Variants in AGAP1 observed in about 807,000 individuals in gnomAD.
AGAP1 encodes arf-GAP with GTPase, ANK repeat and PH domain-containing protein 1.
In AGAP1, 29 loss-of-function variants were observed where a neutral mutation model predicts 105.3. That is an observed-to-expected ratio of 0.28 (90% CI 0.21 to 0.38). The LOEUF (loss-of-function observed/expected upper bound fraction) is 0.38, where lower values mean the gene tolerates loss of function less well. Ranked by LOEUF, AGAP1 falls within the 10% of genes least tolerant of loss-of-function variation. The probability of loss-of-function intolerance (pLI) is 1.00; values close to 1 mark genes in which losing one functional copy is unlikely to be tolerated. For synonymous variants in AGAP1, 509 were observed against 485.9 expected (o/e 1.05, Z -0.63); for missense variants, 998 against 1,165.1 (o/e 0.86, Z 2.09).
chr2:236,068,657 G>A (rs564094198), intron 16 of AGAP1, among the ~76,000 whole-genome samples: 2 of 149,888 alleles, frequency 1.3e-5, no homozygotes, highest in Admixed American at 6.7e-5. Flanking sequence ...AAAATTAGCC[G>A]GGCGTGGTGG....
chr2:235,894,660 C>G (rs2050719854), intron 10 of AGAP1, among the ~76,000 whole-genome samples: 1 of 143,436 alleles, frequency 7.0e-6, no homozygotes, highest in Non-Finnish European at 1.5e-5. Flanking sequence ...GCTATGGGCA[C>G]AACTTCATTT....
Position 236,096,036 on chromosome 2 carries a change from GGAAAT to G in AGAP1, c.2115-24155_2115-24151del, listed in dbSNP as rs1426532807. The stretch of plus-strand genomic sequence containing the variant: ...TGCTTCTTTATTGTTTTGGGTACTT[GGAAAT>G]CCATTCTGCATTCGCTCAGGTACAG... On this transcript the variant is annotated intron_variant, in intron 16 of 17. Transcript: ENST00000304032. The surrounding 1 kb of genome is among the most constrained non-coding windows in gnomAD (Gnocchi z 4.4). Among the ~76,000 whole-genome samples, 10 of 152,160 alleles carry G rather than the reference GGAAAT, an allele frequency of 6.6e-5. No individual in the cohort carries two copies. Among genetic ancestry groups the G allele is most frequent in the African/African-American group, 2.4e-4 (10 of 41,438 alleles).
In AGAP1 at chr2:235,951,372, A is replaced by G. The variant is rs922756826; in HGVS notation, c.1484-17090A>G. On this transcript the variant is annotated intron_variant, in intron 12 of 17. Coordinates refer to ENST00000304032, the MANE Select transcript of AGAP1 (RefSeq NM_001037131.3). The surrounding 1 kb of genome is among the most constrained non-coding windows in gnomAD (Gnocchi z 4.2). ...GCAGTTACCAGCCCCAGGTACGATT[A>G]TGGACAATGCTGTCAGTCATCGTGA... Among the ~76,000 whole-genome samples the G allele has an allele frequency of 6.6e-6, 1 of 152,216 alleles. No homozygotes were observed.
chr2:235,922,583 A>G (rs369605735), intron 11 of AGAP1, among the ~76,000 whole-genome samples: 1 of 152,206 alleles, frequency 6.6e-6, no homozygotes, highest in Admixed American at 6.5e-5. Flanking sequence ...AGATTTGTTG[A>G]TGAATCTTTA....
intron 12 of AGAP1, among the ~76,000 whole-genome samples, chr2:235,966,277 G>A (rs527921182): frequency 4.3e-5 from 6 of 139,216 alleles, no homozygotes; most frequent in African/African-American, 8.0e-5. Flanking sequence ...AGGAGAGGGG[G>A]GCCTGTTCCT....
chr2:235,816,401 G>A (rs1958455718), intron 9 of AGAP1, among the ~76,000 whole-genome samples: 2 of 142,526 alleles, frequency 1.4e-5, no homozygotes, highest in South Asian at 4.4e-4. Flanking sequence ...TCGCACCACT[G>A]CACTCCAGCC....
chr2:235,642,791 T>A lies in AGAP1; in HGVS notation c.164-66388T>A, dbSNP rs1262613109. Among the ~76,000 whole-genome samples the A allele has an allele frequency of 6.6e-6, 1 of 152,218 alleles. No individual in the cohort carries two copies. The highest frequency in any genetic ancestry group is 1.5e-5 in the Non-Finnish European group (1 of 68,038). On this transcript the variant is annotated intron_variant, in intron 1 of 17. Coordinates refer to ENST00000304032, the MANE Select transcript of AGAP1 (RefSeq NM_001037131.3). This position sits in a 1 kb window ranked among gnomAD's most constrained non-coding sequence, Gnocchi z 4.1. ...AGGAGGGGGGAAAATAGAGAAGTAG[T>A]TATCTCATTGTCTTGGAATAAAATT...
intron 9 of AGAP1, among the ~76,000 whole-genome samples, chr2:235,863,658 C>T (rs537946605): frequency 5.3e-5 from 8 of 152,258 alleles, no homozygotes; most frequent in South Asian, 2.1e-4. Flanking sequence ...TCGAAGGCCC[C>T]GGTGGGGAGA....
intron 1 of AGAP1, among the ~76,000 whole-genome samples, chr2:235,653,222 T>G (rs553724860): frequency 6.6e-6 from 1 of 152,212 alleles, no homozygotes; most frequent in East Asian, 1.9e-4. Context: ...TCCCAGCACT[T>G]TGGGAGGCCA....
chr2:235,866,170 T>C lies in AGAP1; in HGVS notation c.1051-17175T>C, dbSNP rs1232787172. On this transcript the variant is annotated intron_variant, in intron 9 of 17. Coordinates refer to ENST00000304032, the MANE Select transcript of AGAP1 (RefSeq NM_001037131.3). The surrounding 1 kb of genome is among the most constrained non-coding windows in gnomAD (Gnocchi z 6.1). ...CTGTGCGCATCTTTATTTTTGGTTTTAGATTTTTGGTGGACTGCTTTGATG... is the reference window on the plus strand; with the variant it reads ...CTGTGCGCATCTTTATTTTTGGTTTCAGATTTTTGGTGGACTGCTTTGATG... 6.6e-6 allele frequency among the ~76,000 whole-genome samples: 1 copy of C among 152,178 alleles called. No individual in the cohort carries two copies. Among genetic ancestry groups the C allele is most frequent in the Non-Finnish European group, 1.5e-5 (1 of 68,036 alleles).
chr2:235,736,363 C>CAT lies in AGAP1; in HGVS notation c.311-4599_311-4598dup, dbSNP rs1175376780. ...TTTGAAAATGAAGTTATGCTGATGTCATTTAATCGTACGTCATCATAATTG... is the reference window on the plus strand; with the variant it reads ...TTTGAAAATGAAGTTATGCTGATGTCATATTTAATCGTACGTCATCATAATTG... On this transcript the variant is annotated intron_variant, in intron 3 of 17. Transcript: ENST00000304032. The surrounding 1 kb of genome is among the most constrained non-coding windows in gnomAD (Gnocchi z 5.5). Among the ~76,000 whole-genome samples, 6 of 152,084 alleles carry CAT rather than the reference C, an allele frequency of 3.9e-5. No individual in the cohort carries two copies. Among genetic ancestry groups the CAT allele is most frequent in the Non-Finnish European group, 5.9e-5 (4 of 68,038 alleles).
intron 12 of AGAP1, among the ~76,000 whole-genome samples, chr2:235,933,688 G>A (rs555913892): frequency 1.3e-5 from 2 of 152,034 alleles, no homozygotes; most frequent in Admixed American, 6.5e-5. Context: ...ACGCGCCACC[G>A]TGCCCGGCTA....
chr2:235,918,697 T>C (rs1195244711), intron 11 of AGAP1, among the ~76,000 whole-genome samples: 1 of 152,200 alleles, frequency 6.6e-6, no homozygotes, highest in East Asian at 1.9e-4. Context: ...TAGGTATATA[T>C]TCCTGCATGT....
Position 235,701,073 on chromosome 2 carries a change from G to T in AGAP1, c.164-8106G>T, listed in dbSNP as rs1409164666. Among the ~76,000 whole-genome samples, 2 of 133,906 alleles carry T rather than the reference G, an allele frequency of 1.5e-5. No individual in the cohort carries two copies. The highest frequency in any genetic ancestry group is 6.3e-5 in the African/African-American group (2 of 31,612). The allele number at this position is 133,906 out of a possible 152,430, so 87.8% of individuals were successfully genotyped here. On this transcript the variant is annotated intron_variant, in intron 1 of 17. Transcript: ENST00000304032. This position sits in a 1 kb window ranked among gnomAD's most constrained non-coding sequence, Gnocchi z 4.1. ...TATATATTATATATGCTATAATATA[G>T]TTATATGTATATATTATATACTCTA...
In AGAP1 at chr2:235,717,632, G is replaced by C; in HGVS notation, c.298G>C (p.Glu100Gln). 1 of 1,602,240 alleles carries C rather than the reference G, an allele frequency of 6.2e-7. No individual in the cohort carries two copies. The highest frequency in any genetic ancestry group is 1.1e-5 in the South Asian group (1 of 87,858). Residue 100 changes from glutamate to glutamine, a missense_variant, in exon 3 of 18, where the codon GAG (glutamate) becomes CAG (glutamine). By Grantham distance (29) the Glu-to-Gln change is conservative. Coordinates refer to ENST00000304032, the MANE Select transcript of AGAP1 (RefSeq NM_001037131.3). The part of the protein sequence containing the change: ...RYLTGTYVQE[E>Q]SPEGGRFKKE... The stretch of plus-strand genomic sequence containing the variant: ...CCTGACGGGCACATATGTCCAGGAG[G>C]AGTCTCCGGAAGGTATGCTGTTTGG...
intron 16 of AGAP1, among the ~76,000 whole-genome samples, chr2:236,071,996 T>C (rs1452881896): frequency 6.6e-6 from 1 of 152,190 alleles, no homozygotes. Flanking sequence ...TCAAATGGTG[T>C]CCCTGGCCCA....
In AGAP1 at chr2:235,719,175, G is replaced by A. The variant is rs969911400; in HGVS notation, c.310+1531G>A. ...GGGACCACAGGAAGTTACATGAGTCGGGCCTGGTTTTGTTGCTGTTGCTCT... is the reference window on the plus strand; with the variant it reads ...GGGACCACAGGAAGTTACATGAGTCAGGCCTGGTTTTGTTGCTGTTGCTCT... On this transcript the variant is annotated intron_variant, in intron 3 of 17. Transcript: ENST00000304032. This position sits in a 1 kb window ranked among gnomAD's most constrained non-coding sequence, Gnocchi z 4.9. Among the ~76,000 whole-genome samples the A allele has an allele frequency of 6.6e-6, 1 of 152,118 alleles. No individual in the cohort carries two copies. The highest frequency in any genetic ancestry group is 1.5e-5 in the Non-Finnish European group (1 of 68,034).
At chr2:235,722,431 G>C (rs1431924188) in intron 3 of AGAP1, among the ~76,000 whole-genome samples, 1 of 152,174 alleles carries the variant, frequency 6.6e-6, no homozygotes, top group Non-Finnish European at 1.5e-5. Flanking sequence ...TATGTAGATG[G>C]CTGGGAGGGT....
Position 235,967,603 on chromosome 2 carries a change from G to A in AGAP1, c.1484-859G>A, listed in dbSNP as rs956020294. 4.6e-5 allele frequency among the ~76,000 whole-genome samples: 7 copies of A among 152,208 alleles called. No homozygotes were observed. Among genetic ancestry groups the A allele is most frequent in the Admixed American group, 2.0e-4 (3 of 15,282 alleles). The stretch of plus-strand genomic sequence containing the variant: ...AGTGCGGTGTGCTGTACAGAACTCT[G>A]ACTTTGGACTTAAAGATGCTGAATC... On this transcript the variant is annotated intron_variant, in intron 12 of 17. Coordinates refer to ENST00000304032, the MANE Select transcript of AGAP1 (RefSeq NM_001037131.3). The surrounding 1 kb of genome is among the most constrained non-coding windows in gnomAD (Gnocchi z 4.7).
Sources: allele counts gnomAD v4.1 joint callset (sites outside exome capture counted in the v4.1 genomes callset), GRCh38; gene constraint gnomAD v4.1.1; non-coding constraint Gnocchi (gnomAD v3.1); transcripts MANE v1.5; gene names NCBI Gene and HGNC (gene_info 2026-07-23, HGNC 2026-07-21).